Variants in TTC7B observed in about 807,000 individuals in gnomAD.
TTC7B encodes the protein tetratricopeptide repeat protein 7B.
A neutral mutation model predicts 106.8 loss-of-function variants in TTC7B; 28 were observed. That is an observed-to-expected ratio of 0.26 (90% CI 0.19 to 0.36). TTC7B has a LOEUF of 0.36. Among genes scored for constraint, TTC7B ranks in the 10% least tolerant of loss-of-function variants. The probability of loss-of-function intolerance (pLI) is 1.00; values close to 1 mark genes in which losing one functional copy is unlikely to be tolerated. For missense variants in TTC7B, 862 were observed against 1,076.4 expected (o/e 0.80, Z 2.79); for synonymous variants, 405 against 430.6 (o/e 0.94, Z 0.74).
rs141762462 is a variant in TTC7B, at chr14:90,671,777, T to C, written c.1152+4746A>G. ...TGTGTCTCCTTTGTACAATGCTCTT[T>C]GGCCAGCATCTGGCTGAAAAGTCCA... On this transcript the variant is annotated intron_variant, in intron 9 of 19. Coordinates refer to ENST00000328459, the MANE Select transcript of TTC7B (RefSeq NM_001010854.2). 9.2e-5 allele frequency among the ~76,000 whole-genome samples: 14 copies of C among 152,346 alleles called. 1 individual carries two copies. In the East Asian group the frequency reaches 2.7e-3, roughly 29 times the overall value.
chr14:90,735,233 C>T (rs757938441), intron 4 of TTC7B, among the ~76,000 whole-genome samples: 9 of 152,156 alleles, frequency 5.9e-5, no homozygotes, highest in Non-Finnish European at 7.3e-5. Flanking sequence ...AGGCCAGGCA[C>T]GGTGGCTCAC....
At chr14:90,598,446 C>G (rs1323581124) in intron 17 of TTC7B, among the ~76,000 whole-genome samples, 6 of 152,148 alleles carry the variant, frequency 3.9e-5, no homozygotes, top group Admixed American at 3.3e-4. Context: ...AGGCTCCTCT[C>G]TCCATCACCA....
chr14:90,682,534 G>A (rs541159706), intron 7 of TTC7B, among the ~76,000 whole-genome samples: 4 of 152,342 alleles, frequency 2.6e-5, no homozygotes, highest in South Asian at 4.1e-4. Context: ...TGTTTGCTCA[G>A]GGAAGCATGG....
At chr14:90,758,808 G>T (rs558672331) in intron 3 of TTC7B, among the ~76,000 whole-genome samples, 6 of 152,280 alleles carry the variant, frequency 3.9e-5, no homozygotes, top group African/African-American at 1.2e-4. Flanking sequence ...CCTGCTAGCC[G>T]CAGTCCAGGA....
At chr14:90,639,249 T>C (rs1325706525) in intron 15 of TTC7B, among the ~76,000 whole-genome samples, 1 of 152,078 alleles carries the variant, frequency 6.6e-6, no homozygotes, top group African/African-American at 2.4e-5. Context: ...AAAGACATCA[T>C]GAAGAGAAAG....
Position 90,808,530 on chromosome 14 carries a change from A to G in TTC7B, c.121+7645T>C, listed in dbSNP as rs984501564. On this transcript the variant is annotated intron_variant, in intron 1 of 19. Transcript: ENST00000328459. The surrounding 1 kb of genome is among the most constrained non-coding windows in gnomAD (Gnocchi z 4.2). ...TTCTGGTGCTGCCACCACTAGCCAC[A>G]CTTGATGAGCAGGGACAGACAAATC... Among the ~76,000 whole-genome samples, 5 of 152,202 alleles carry G rather than the reference A, an allele frequency of 3.3e-5. No individual in the cohort carries two copies. The highest frequency in any genetic ancestry group is 1.3e-4 in the Admixed American group (2 of 15,284).
intron 15 of TTC7B, among the ~76,000 whole-genome samples, chr14:90,618,595 C>T (rs918491117): frequency 6.6e-6 from 1 of 152,192 alleles, no homozygotes; most frequent in Non-Finnish European, 1.5e-5. Flanking sequence ...GGGCTCGTTC[C>T]GCAATCACCT....
At chr14:90,673,016 C>T (rs1439164885) in intron 9 of TTC7B, among the ~76,000 whole-genome samples, 2 of 152,128 alleles carry the variant, frequency 1.3e-5, no homozygotes, top group Admixed American at 6.5e-5. Flanking sequence ...TAGGCTCACA[C>T]GACTGGTACA....
rs143249800 is a variant in TTC7B, at chr14:90,600,540, G to A, written c.1967-6914C>T. On this transcript the variant is annotated intron_variant, in intron 17 of 19. Transcript: ENST00000328459. This position sits in a 1 kb window ranked among gnomAD's most constrained non-coding sequence, Gnocchi z 4.3. ...GGATTAAGACTCATAGCCCCAAGAC[G>A]GGATCAGTTTCCCACTGACTTTAAC... 2.8e-4 allele frequency among the ~76,000 whole-genome samples: 42 copies of A among 152,306 alleles called. 1 individual carries two copies. Among genetic ancestry groups the A allele is most frequent in the Admixed American group, 1.9e-3 (29 of 15,306 alleles).
chr14:90,704,752 G>A (rs945188175), intron 5 of TTC7B, among the ~76,000 whole-genome samples: 1 of 152,212 alleles, frequency 6.6e-6, no homozygotes, highest in African/African-American at 2.4e-5. Flanking sequence ...TCAGAAGAAA[G>A]ATGGTGTCGG....
chr14:90,743,008 G>A (rs1889826021), intron 4 of TTC7B, among the ~76,000 whole-genome samples: 2 of 152,212 alleles, frequency 1.3e-5, no homozygotes, highest in Admixed American at 6.5e-5. Flanking sequence ...CAGACTTCTC[G>A]ACTGCCAAGC....
At chr14:90,812,268 C>T (rs1310802541) in intron 1 of TTC7B, among the ~76,000 whole-genome samples, 2 of 152,182 alleles carry the variant, frequency 1.3e-5, no homozygotes, top group Non-Finnish European at 2.9e-5. Flanking sequence ...TGCACTTTCA[C>T]ACACAGTGGT....
chr14:90,631,896 T>C (rs1423955441), intron 15 of TTC7B, among the ~76,000 whole-genome samples: 4 of 152,256 alleles, frequency 2.6e-5, no homozygotes, highest in Non-Finnish European at 5.9e-5. Context: ...CATGTGCTTA[T>C]TGGCTATTTG....
chr14:90,634,578 C>A (rs1884850064), intron 15 of TTC7B, among the ~76,000 whole-genome samples: 1 of 152,060 alleles, frequency 6.6e-6, no homozygotes. Flanking sequence ...TCAAGACCAG[C>A]CCGGCCAACA....
At position 90,528,073 on chromosome 14, in the gene TTC7B, T is replaced by A. The variant is rs1889189579; in HGVS notation, c.*13295A>T. 6.6e-6 allele frequency: 1 copy of A among 152,078 alleles called. No homozygotes were observed. Among genetic ancestry groups the A allele is most frequent in the African/African-American group, 2.4e-5 (1 of 41,432 alleles). The allele number at this position is 152,078 out of a possible 1,614,324, so 9.4% of individuals were successfully genotyped here. On this transcript the variant is annotated 3_prime_UTR_variant, in exon 20 of 20. Coordinates refer to ENST00000328459, the MANE Select transcript of TTC7B (RefSeq NM_001010854.2). Reference sequence around the variant, plus strand: ...AAGAGCTTCCGTATGTGATAAGGTTTCTCTCTGTGGATGACATAGCCATGG... The same window carrying A: ...AAGAGCTTCCGTATGTGATAAGGTTACTCTCTGTGGATGACATAGCCATGG...
rs1890356338 is a variant in TTC7B, at chr14:90,757,920, C to G, written c.446-12998G>C. On this transcript the variant is annotated intron_variant, in intron 3 of 19. Transcript: ENST00000328459. This position sits in a 1 kb window ranked among gnomAD's most constrained non-coding sequence, Gnocchi z 4.1. ...GGAAACGCACCTTTACATCCTTTCT[C>G]TTTGTAAATACCCACGCATTGAATG... 6.6e-6 allele frequency among the ~76,000 whole-genome samples: 1 copy of G among 152,168 alleles called. No individual in the cohort carries two copies. Among genetic ancestry groups the G allele is most frequent in the African/African-American group, 2.4e-5 (1 of 41,432 alleles).
intron 2 of TTC7B, among the ~76,000 whole-genome samples, chr14:90,784,333 G>A (rs1020130556): frequency 1.3e-5 from 2 of 152,158 alleles, no homozygotes; most frequent in Non-Finnish European, 2.9e-5. Context: ...TGAGGTGGGC[G>A]GATCACGAGG....
intron 5 of TTC7B, among the ~76,000 whole-genome samples, chr14:90,711,753 G>C (rs1196099442): frequency 1.3e-5 from 2 of 152,104 alleles, no homozygotes; most frequent in East Asian, 3.9e-4. Flanking sequence ...AAAAAATGCA[G>C]TTAAAAATCA....
At chr14:90,688,341 T>C (rs1421298534) in intron 7 of TTC7B, among the ~76,000 whole-genome samples, 2 of 151,684 alleles carry the variant, frequency 1.3e-5, no homozygotes, top group East Asian at 3.9e-4. Context: ...AATACAAAAA[T>C]TGTCCCAGCG....
Sources: allele counts gnomAD v4.1 joint callset (sites outside exome capture counted in the v4.1 genomes callset), GRCh38; gene constraint gnomAD v4.1.1; non-coding constraint Gnocchi (gnomAD v3.1); transcripts MANE v1.5; gene names NCBI Gene and HGNC (gene_info 2026-07-23, HGNC 2026-07-21).